UBAP2: variants seen among roughly 807,000 people sequenced by gnomAD.
The protein encoded by UBAP2 is ubiquitin-associated protein 2.
In UBAP2, 75 loss-of-function variants were observed where a neutral mutation model predicts 139.6. The observed-to-expected ratio is 0.54, with a 90% CI of 0.45 to 0.65. The LOEUF (loss-of-function observed/expected upper bound fraction) is 0.65, where lower values mean the gene tolerates loss of function less well. Ranked by LOEUF, UBAP2 falls within the 30% of genes least tolerant of loss-of-function variation. UBAP2 has a pLI of 0.00. For missense variants in UBAP2, 1,368 were observed against 1,369.6 expected, an observed-to-expected ratio of 1.00 and a Z score of 0.02; for synonymous variants, 526 against 526.2, an observed-to-expected ratio of 1.00 and a Z score of 0.01.
At position 33,986,753 on chromosome 9, in the gene UBAP2, A is replaced by AG. The variant is rs139434718; in HGVS notation, c.520+6dup. On this transcript the variant is annotated splice_region_variant and intron_variant, in intron 6 of 28. Coordinates refer to ENST00000379238, the MANE Select transcript of UBAP2 (RefSeq NM_001370062.2). Reference sequence around the variant, plus strand: ...AAAGCATTTTCTTCCCTCTTACTCTAGCTTACCTCTACCCCGGGCTCGCTT... The same window carrying AG: ...AAAGCATTTTCTTCCCTCTTACTCTAGGCTTACCTCTACCCCGGGCTCGCTT... 105,084 of 1,612,930 alleles carry AG rather than the reference A, an allele frequency of 0.065. 3,968 individuals are homozygous for AG. Among genetic ancestry groups the AG allele is most frequent in the South Asian group, 0.093 (8,432 of 91,030 alleles).
chr9:33,951,819 G>A (rs186019800), intron 12 of UBAP2, among the ~76,000 whole-genome samples: 2 of 152,182 alleles, frequency 1.3e-5, no homozygotes, highest in Admixed American at 1.3e-4. Context: ...TCAATTCAGT[G>A]GACACACATA....
chr9:33,971,337 TCTC>T (rs1246656466), intron 8 of UBAP2, among the ~76,000 whole-genome samples: 2 of 152,272 alleles, frequency 1.3e-5, no homozygotes, highest in South Asian at 2.1e-4. Flanking sequence ...TAAAAAATCT[TCTC>T]CTCAGAAATT....
chr9:34,036,883 A>T (rs1443251800), intron 1 of UBAP2, among the ~76,000 whole-genome samples: 2 of 140,316 alleles, frequency 1.4e-5, no homozygotes, highest in East Asian at 2.1e-4. Context: ...GATCTCAGGT[A>T]CCTCACTGAC....
chr9:33,922,957 G>A lies in UBAP2; in HGVS notation c.3072+9C>T. On this transcript the variant is annotated intron_variant, in intron 27 of 28. Transcript: ENST00000379238. ...AAACCTATACACCCAACCCACCTTT[G>A]TCCCTCACCTGTGTCTTATTGTAGA... The A allele has an allele frequency of 6.2e-7, 1 of 1,614,156 alleles. No homozygotes were observed.
chr9:33,989,037 T>C lies in UBAP2; in HGVS notation c.378A>G (p.Lys126=), dbSNP rs199599751. The change falls in exon 5 of 29, where the codon AAA becomes AAG. Residue 126 remains lysine (K), a synonymous_variant. Transcript: ENST00000379238. ...TGTTTCCACGTCCACGACTCGATTC[T>C]TTCTCGCTTTTCTTCTCTCTATTCT... ...NKENREKKSE[K]ESSRGRGNNN... is the part of the protein sequence containing the mutation. 3 of 1,613,982 alleles carry C rather than the reference T, an allele frequency of 1.9e-6. No individual in the cohort carries two copies. Among genetic ancestry groups the C allele is most frequent in the Admixed American group, 3.3e-5 (2 of 59,968 alleles).
chr9:34,013,095 G>A (rs528346259), intron 2 of UBAP2, among the ~76,000 whole-genome samples: 42 of 141,764 alleles, frequency 3.0e-4, no homozygotes, highest in Non-Finnish European at 5.4e-4. Context: ...CACAGTTGCC[G>A]TTAGCCGAGA....
chr9:33,936,009 A>G (rs908663790), intron 16 of UBAP2, 131 bp from the exon 17 acceptor site: 2 of 1,028,352 alleles, frequency 1.9e-6, no homozygotes, highest in African/African-American at 3.3e-5. Context: ...TTTTTAATAA[A>G]GGGAAGATAA....
At chr9:33,926,762 C>G in intron 21 of UBAP2, 98 bp from the exon 22 acceptor site, 1 of 1,295,120 alleles carries the variant, frequency 7.7e-7, no homozygotes, top group East Asian at 2.3e-5. Flanking sequence ...GGGGCTCTAA[C>G]ACACCCGGGA....
chr9:33,922,999 A>C lies in UBAP2; in HGVS notation c.3039T>G (p.Pro1013=). The C allele has an allele frequency of 3.7e-6, 6 of 1,614,142 alleles. No homozygotes were observed. The highest frequency in any genetic ancestry group is 5.1e-6 in the Non-Finnish European group (6 of 1,179,998). ...TATTGTAGACAGAACCAGTCATATC[A>C]GGTAGACCAGTGGTGCTTGAAGACA... ...VSVSSSTTGL[P]DMTGSVYNKT... Residue 1013 remains proline (P), a synonymous_variant, in exon 27 of 29, where the codon CCT becomes CCG. Coordinates refer to ENST00000379238, the MANE Select transcript of UBAP2 (RefSeq NM_001370062.2).
At chr9:33,990,856 C>G (rs1821651824) in intron 4 of UBAP2, among the ~76,000 whole-genome samples, 1 of 151,930 alleles carries the variant, frequency 6.6e-6, no homozygotes, top group South Asian at 2.1e-4. Context: ...AGGGTGCTCT[C>G]GAACTCCTGA....
At chr9:34,027,557 T>C (rs532801419) in intron 1 of UBAP2, among the ~76,000 whole-genome samples, 44 of 143,964 alleles carry the variant, frequency 3.1e-4, no homozygotes, top group African/African-American at 1.1e-3. Context: ...ATTTCTATTA[T>C]TTAAAAAAGA....
chr9:34,005,844 T>C (rs937055913), intron 2 of UBAP2, among the ~76,000 whole-genome samples: 3 of 152,068 alleles, frequency 2.0e-5, no homozygotes, highest in Non-Finnish European at 4.4e-5. Context: ...AACCAAAAAA[T>C]GCATAAATAT....
rs1396591411 is a variant in UBAP2, at chr9:33,922,436, AATACGTGCT to A, written c.*59_*67del. The A allele has an allele frequency of 2.0e-6, 3 of 1,506,782 alleles. No homozygotes were observed. The highest frequency in any genetic ancestry group is 2.4e-5 in the South Asian group (2 of 83,952). The allele number at this position is 1,506,782 out of a possible 1,614,324, so 93.3% of individuals were successfully genotyped here. A position where few individuals can be genotyped will look rare whatever the true frequency, so the allele number is the denominator to read the frequency against. On this transcript the variant is annotated 3_prime_UTR_variant, in exon 29 of 29. Coordinates refer to ENST00000379238, the MANE Select transcript of UBAP2 (RefSeq NM_001370062.2). The stretch of plus-strand genomic sequence containing the variant: ...TCTAGGAAAGGGCACTGGGCTCCCA[AATACGTGCT>A]CGTGTGTTCTCTCCTGCCCAGGATA...
rs529230539 is a variant in UBAP2, at chr9:33,954,594, G to A, written c.867-1120C>T. On this transcript the variant is annotated intron_variant, in intron 11 of 28. Coordinates refer to ENST00000379238, the MANE Select transcript of UBAP2 (RefSeq NM_001370062.2). ...ACATTCTCACCATGCCAATAAGACA[G>A]GCAGATTACAGGACAATTCAAGACT... Among the ~76,000 whole-genome samples, 41 of 152,230 alleles carry A rather than the reference G, an allele frequency of 2.7e-4. 1 individual carries two copies. The highest frequency in any genetic ancestry group is 9.4e-4 in the African/African-American group (39 of 41,540).
chr9:33,950,700 T>C (rs957393344), intron 12 of UBAP2, among the ~76,000 whole-genome samples: 2 of 152,230 alleles, frequency 1.3e-5, no homozygotes, highest in Admixed American at 1.3e-4. Flanking sequence ...GTGATGACTC[T>C]CTTCATCCTG....
rs1441627216 is a variant in UBAP2, at chr9:33,926,632, C to T, written c.2496G>A (p.Gln832=). 1.2e-6 allele frequency: 2 copies of T among 1,614,074 alleles called. No individual in the cohort carries two copies. The highest frequency in any genetic ancestry group is 8.5e-7 in the Non-Finnish European group (1 of 1,180,036). Residue 832 remains glutamine, a synonymous_variant, in exon 22 of 29, where the codon CAG becomes CAA. Transcript: ENST00000379238. ...CCCCACTCACCACTGGCAGCCGTGA[C>T]TGCAGCATCTGGAGCTCGTCATAGC... ...IYGYDELQML[Q]SRLPVDYYGI...
At chr9:33,962,527 TC>T (rs1369503623) in intron 9 of UBAP2, among the ~76,000 whole-genome samples, 2 of 151,878 alleles carry the variant, frequency 1.3e-5, no homozygotes, top group African/African-American at 2.4e-5. Context: ...GTGCCTGTAG[TC>T]CCAGCTACTG....
intron 17 of UBAP2, among the ~76,000 whole-genome samples, chr9:33,935,160 T>TGGCGG (rs1824350350): frequency 5.1e-5 from 1 of 19,606 alleles, no homozygotes; most frequent in Non-Finnish European, 1.8e-4. Context: ...CTGTTGGAAG[T>TGGCGG]GGCGGGGGGG....
At chr9:33,936,633 C>T (rs950341895) in intron 16 of UBAP2, among the ~76,000 whole-genome samples, 8 of 151,884 alleles carry the variant, frequency 5.3e-5, no homozygotes, top group Non-Finnish European at 1.0e-4. Flanking sequence ...AACAGAGCAA[C>T]ACTCCATCTC....
Sources: gnomAD v4.1 joint callset for allele counts (sites outside exome capture counted in the v4.1 genomes callset) on GRCh38, gnomAD v4.1.1 for gene constraint, MANE v1.5 for transcripts, NCBI Gene and HGNC (gene_info 2026-07-23, HGNC 2026-07-21) for gene names.